The following HAPLN1 variants were observed in gnomAD, a reference collection of about 807,000 sequenced individuals.
HAPLN1 encodes the protein Cartilage link protein.
Under a neutral mutation model 36.5 loss-of-function variants are expected in HAPLN1, and 13 were observed. The observed-to-expected ratio is 0.36, with a 90% CI of 0.23 to 0.57. HAPLN1 has a LOEUF of 0.57. Ranked by LOEUF, HAPLN1 falls within the 20% of genes least tolerant of loss-of-function variation. The pLI is 0.83. For missense variants in HAPLN1, 407 were observed against 439.7 expected (o/e 0.93, Z 0.66); for synonymous variants, 202 against 169.8 (o/e 1.19, Z -1.48).
At chr5:83,713,681 A>G (rs1751845517) in intron 1 of HAPLN1, among the ~76,000 whole-genome samples, 1 of 152,046 alleles carries the variant, frequency 6.6e-6, no homozygotes, top group Admixed American at 6.6e-5. Context: ...TAGACTAATC[A>G]TTTTCTCCCA....
At chr5:83,666,012 T>G (rs1478980664) in intron 2 of HAPLN1, among the ~76,000 whole-genome samples, 1 of 152,224 alleles carries the variant, frequency 6.6e-6, no homozygotes, top group Non-Finnish European at 1.5e-5. Context: ...GTAATTTTAT[T>G]TCAAATAATT....
chr5:83,653,518 G>T (rs895120611), intron 2 of HAPLN1, among the ~76,000 whole-genome samples: 12 of 152,146 alleles, frequency 7.9e-5, no homozygotes, highest in African/African-American at 2.9e-4. Context: ...CTCAAAATTT[G>T]GATGTTAAAA....
At chr5:83,676,521 C>T (rs1163119791) in intron 1 of HAPLN1, among the ~76,000 whole-genome samples, 1 of 152,186 alleles carries the variant, frequency 6.6e-6, no homozygotes, top group Non-Finnish European at 1.5e-5. Context: ...AGGTGCTGCA[C>T]ACCAGACTGA....
intron 1 of HAPLN1, among the ~76,000 whole-genome samples, chr5:83,681,930 A>G (rs1486678911): frequency 1.3e-5 from 2 of 152,156 alleles, no homozygotes; most frequent in Non-Finnish European, 2.9e-5. Flanking sequence ...ATGAATACAA[A>G]CCTCCTAGTT....
chr5:83,652,351 T>A, intron 3 of HAPLN1, 102 bp downstream of exon 3: 2 of 1,243,688 alleles, frequency 1.6e-6, no homozygotes, highest in Non-Finnish European at 2.2e-6. Flanking sequence ...ACTTTGGTTT[T>A]TCACTTTATT....
intron 2 of HAPLN1, among the ~76,000 whole-genome samples, chr5:83,672,244 T>A (rs1026028097): frequency 5.3e-5 from 8 of 152,198 alleles, no homozygotes; most frequent in African/African-American, 1.7e-4. Flanking sequence ...GTCACTAGAA[T>A]TCTGTCACTA....
chr5:83,712,803 A>G (rs967062310), intron 1 of HAPLN1, among the ~76,000 whole-genome samples: 2 of 151,848 alleles, frequency 1.3e-5, no homozygotes, highest in African/African-American at 2.4e-5. Context: ...TATTGGGGTA[A>G]TACTTAAAGT....
Position 83,644,563 on chromosome 5 carries a change from T to C in HAPLN1, c.575A>G (p.Asp192Gly). The C allele has an allele frequency of 6.3e-7, 1 of 1,598,708 alleles. No individual in the cohort carries two copies. Among genetic ancestry groups the C allele is most frequent in the Non-Finnish European group, 8.5e-7 (1 of 1,173,320 alleles). The change falls in exon 4 of 5, where the codon GAC becomes GGC. Residue 192 changes from aspartate (D) to glycine (G), a missense_variant. By Grantham distance (94) the Asp-to-Gly change is moderately conservative. Coordinates refer to ENST00000274341, the MANE Select transcript of HAPLN1 (RefSeq NM_001884.4). ...LDQDAVIASFDQLYDAWRGGL... is the reference protein window; with the variant it reads ...LDQDAVIASFGQLYDAWRGGL... ...GCCCCGCCAGGCGTCGTACAGCTGGTCGAAGGAGGCGATCACAGCATCCTG... is the reference window on the plus strand; with the variant it reads ...GCCCCGCCAGGCGTCGTACAGCTGGCCGAAGGAGGCGATCACAGCATCCTG...
chr5:83,652,271 G>A (rs1313833758), intron 3 of HAPLN1, 182 bp downstream of exon 3: 1 of 566,880 alleles, frequency 1.8e-6, no homozygotes, highest in Non-Finnish European at 3.0e-6. Context: ...CATTGTGTAT[G>A]CATTTCAAAC....
At chr5:83,704,703 G>C (rs187099263) in intron 1 of HAPLN1, among the ~76,000 whole-genome samples, 2 of 152,264 alleles carry the variant, frequency 1.3e-5, no homozygotes, top group East Asian at 3.9e-4. Flanking sequence ...AAGAAGATCT[G>C]ACTATCCTAA....
Position 83,641,433 on chromosome 5 carries a change from A to T in HAPLN1, c.*63T>A. On this transcript the variant is annotated 3_prime_UTR_variant, in exon 5 of 5. Transcript: ENST00000274341. ...GGTAACTTGCATGAGTTCATATTGG[A>T]AAAAAAAAACACCTTTCACATGTTC... is the stretch of plus-strand genomic sequence containing the variant. 7.6e-7 allele frequency: 1 copy of T among 1,317,924 alleles called. No homozygotes were observed. Among genetic ancestry groups the T allele is most frequent in the Non-Finnish European group, 1.0e-6 (1 of 980,418 alleles). 81.6% of individuals were successfully genotyped at this position (1,317,924 alleles called of 1,614,324 possible).
At chr5:83,708,055 G>T (rs183498654) in intron 1 of HAPLN1, among the ~76,000 whole-genome samples, 27 of 152,182 alleles carry the variant, frequency 1.8e-4, no homozygotes, top group African/African-American at 6.3e-4. Flanking sequence ...TAAGAAGTCA[G>T]AAAATAACAG....
At chr5:83,714,548 A>G (rs1210090869) in intron 1 of HAPLN1, among the ~76,000 whole-genome samples, 1 of 145,576 alleles carries the variant, frequency 6.9e-6, no homozygotes, top group Non-Finnish European at 1.5e-5. Context: ...CAGCATCAAC[A>G]CTGAAATGTC....
chr5:83,705,406 A>AAAG (rs1751618600), intron 1 of HAPLN1, among the ~76,000 whole-genome samples: 1 of 151,014 alleles, frequency 6.6e-6, no homozygotes, highest in Admixed American at 6.7e-5. Context: ...AAAAAAAAAA[A>AAAG]AAAGAAAGAA....
At position 83,641,561 on chromosome 5, in the gene HAPLN1, A is replaced by G. The variant is rs1404848792; in HGVS notation, c.1000T>C (p.Phe334Leu). Reference sequence around the variant, plus strand: ...TGCTTTTTATCTGGGAAACCCACGAAGCGCACTGCAGCCTCAGTAGGACTG... The same window carrying G: ...TGCTTTTTATCTGGGAAACCCACGAGGCGCACTGCAGCCTCAGTAGGACTG... ...RCSPTEAAVR[F>L]VGFPDKKHKL... Residue 334 changes from phenylalanine to leucine, a missense_variant, in exon 5 of 5, where the codon TTC (phenylalanine) becomes CTC (leucine). By Grantham distance (22) the Phe-to-Leu change is conservative. Transcript: ENST00000274341. The G allele has an allele frequency of 6.2e-7, 1 of 1,614,072 alleles. No homozygotes were observed. The highest frequency in any genetic ancestry group is 1.3e-5 in the African/African-American group (1 of 74,944).
At chr5:83,695,879 T>C (rs557457643) in intron 1 of HAPLN1, among the ~76,000 whole-genome samples, 37 of 151,986 alleles carry the variant, frequency 2.4e-4, no homozygotes, top group African/African-American at 8.9e-4. Context: ...AGCATTTACG[T>C]TTTTACCATT....
At chr5:83,660,032 C>T (rs1481387559) in intron 2 of HAPLN1, among the ~76,000 whole-genome samples, 1 of 152,086 alleles carries the variant, frequency 6.6e-6, no homozygotes. Flanking sequence ...TCTGCACCCA[C>T]TGTGTAGTCT....
chr5:83,658,363 C>T (rs1750280427), intron 2 of HAPLN1, among the ~76,000 whole-genome samples: 1 of 152,114 alleles, frequency 6.6e-6, no homozygotes, highest in Non-Finnish European at 1.5e-5. Context: ...GTGCTTGATG[C>T]AATAAGTGTC....
At chr5:83,661,645 C>T (rs1260326255) in intron 2 of HAPLN1, among the ~76,000 whole-genome samples, 2 of 151,834 alleles carry the variant, frequency 1.3e-5, no homozygotes, top group African/African-American at 2.4e-5. Context: ...GGGGTTTCAC[C>T]GTGTTAGCCG....
Sources: allele counts gnomAD v4.1 joint callset (sites outside exome capture counted in the v4.1 genomes callset), GRCh38; gene constraint gnomAD v4.1.1; transcripts MANE v1.5; gene names NCBI Gene and HGNC (gene_info 2026-07-23, HGNC 2026-07-21).